AXL: variants seen among roughly 807,000 people sequenced by gnomAD.
AXL encodes tyrosine-protein kinase receptor UFO.
In AXL, 52 loss-of-function variants were observed where a neutral mutation model predicts 104.5. That is an observed-to-expected ratio of 0.50 (90% CI 0.40 to 0.63). AXL has a LOEUF of 0.63. Among genes scored for constraint, AXL ranks in the 20% least tolerant of loss-of-function variants. AXL has a pLI of 0.00. For synonymous variants in AXL, 455 were observed against 473.7 expected (o/e 0.96, Z 0.51); for missense variants, 1,024 against 1,188.5 (o/e 0.86, Z 2.04).
chr19:41,242,690 C>A (rs545632846), intron 10 of AXL, among the ~76,000 whole-genome samples, 193 bp from the exon 11 acceptor site: 2 of 152,288 alleles, frequency 1.3e-5, no homozygotes, highest in Non-Finnish European at 2.9e-5. Flanking sequence ...TTAACCTGCA[C>A]TTGTATCACA....
intron 6 of AXL, 92 bp from the exon 7 acceptor site, chr19:41,237,852 G>A: frequency 2.4e-6 from 3 of 1,229,552 alleles, no homozygotes; most frequent in Admixed American, 1.9e-5. Flanking sequence ...GAAAAGTTGT[G>A]TAGTCACACC....
intron 4 of AXL, among the ~76,000 whole-genome samples, chr19:41,226,416 C>A (rs935898298): frequency 1.5e-4 from 23 of 152,084 alleles, no homozygotes; most frequent in Non-Finnish European, 2.5e-4. Flanking sequence ...GGGCTGCGGG[C>A]GCGGGGCCTT....
intron 15 of AXL, 21 bp downstream of exon 15, chr19:41,252,464 A>AG (rs1282221873): frequency 3.7e-6 from 6 of 1,611,614 alleles, no homozygotes; most frequent in Non-Finnish European, 5.1e-6. Context: ...GGCAGATTCA[A>AG]GGGGTCTACA....
At chr19:41,251,610 C>T (rs1202636776) in intron 14 of AXL, among the ~76,000 whole-genome samples, 1 of 151,524 alleles carries the variant, frequency 6.6e-6, no homozygotes, top group Non-Finnish European at 1.5e-5. Context: ...GCCTGTGGTC[C>T]CAGCTACTCA....
intron 4 of AXL, among the ~76,000 whole-genome samples, chr19:41,230,233 A>AAT (rs2033954683): frequency 1.3e-5 from 2 of 148,668 alleles, no homozygotes; most frequent in Non-Finnish European, 3.0e-5. Flanking sequence ...GGGGTGTAAG[A>AAT]ATGTGTGTGT....
chr19:41,221,808 C>CA, intron 3 of AXL, 72 bp from the exon 4 acceptor site: 1 of 1,519,860 alleles, frequency 6.6e-7, no homozygotes, highest in Non-Finnish European at 8.9e-7. Context: ...AAGCCTACAG[C>CA]ATCCTAGTGG....
rs1292790836 is a variant in AXL at position 41,252,774 on chromosome 19, G to C, written c.1805-72G>C. 5.0e-6 allele frequency: 8 copies of C among 1,601,540 alleles called. No homozygotes were observed. In the Admixed American group the frequency reaches 5.1e-5, roughly 10 times the overall value. ...GATGGGTAGTGAGAAGGAGAGGCTG[G>C]AGGCTGGCTGGTGGGGGGCTTGGCT... On this transcript the variant is annotated intron_variant, in intron 15 of 19. Transcript: ENST00000301178.
At chr19:41,250,375 A>G (rs1462992188) in intron 14 of AXL, among the ~76,000 whole-genome samples, 1 of 152,164 alleles carries the variant, frequency 6.6e-6, no homozygotes, top group African/African-American at 2.4e-5. Context: ...TGGGCTATGA[A>G]GTCATTACCC....
Position 41,238,173 on chromosome 19 carries a change from G to A in AXL, c.994+19G>A. ...GAGGGAGGTAAGAAGGGTTGGGGAGGGACACGTCACCACTGCCCCACCGGA... is the reference window on the plus strand; with the variant it reads ...GAGGGAGGTAAGAAGGGTTGGGGAGAGACACGTCACCACTGCCCCACCGGA... On this transcript the variant is annotated intron_variant, in intron 7 of 19. Transcript: ENST00000301178. The A allele has an allele frequency of 6.2e-7, 1 of 1,612,692 alleles. No individual in the cohort carries two copies. Among genetic ancestry groups the A allele is most frequent in the Non-Finnish European group, 8.5e-7 (1 of 1,179,092 alleles).
At chr19:41,228,804 A>C (rs910600806) in intron 4 of AXL, among the ~76,000 whole-genome samples, 5 of 152,194 alleles carry the variant, frequency 3.3e-5, no homozygotes, top group Non-Finnish European at 7.3e-5. Context: ...GACAATGGGC[A>C]AGGTACTTGG....
rs953229496 is a variant in AXL at position 41,219,690 on chromosome 19, A to G, written c.85+213A>G. 3.6e-5 allele frequency among the ~76,000 whole-genome samples: 5 copies of G among 137,354 alleles called. No individual in the cohort carries two copies. In the Admixed American group the frequency reaches 4.0e-4, roughly 11 times the overall value. The allele number at this position is 137,354 out of a possible 152,430, so 90.1% of individuals were successfully genotyped here. A position where few individuals can be genotyped will look rare whatever the true frequency, so the allele number is the denominator to read the frequency against. ...AAGACTGAGAGAGGAACTGAAGGGC[A>G]GGGGGGACAGAAGAGAGGACCCGGA... On this transcript the variant is annotated intron_variant, in intron 1 of 19. Coordinates refer to ENST00000301178, the MANE Select transcript of AXL (RefSeq NM_021913.5).
intron 17 of AXL, 115 bp from the exon 18 acceptor site, chr19:41,256,337 C>T (rs914074414): frequency 7.9e-7 from 1 of 1,267,252 alleles, no homozygotes; most frequent in East Asian, 2.4e-5. Context: ...GACAGATCCC[C>T]ACCCGCAGCC....
chr19:41,235,747 T>C (rs1205811381), intron 6 of AXL, among the ~76,000 whole-genome samples: 1 of 152,228 alleles, frequency 6.6e-6, no homozygotes, highest in East Asian at 1.9e-4. Flanking sequence ...TCCGTCTCTC[T>C]GGGCCTCAGT....
intron 9 of AXL, among the ~76,000 whole-genome samples, 165 bp downstream of exon 9, chr19:41,239,479 T>C (rs1042734775): frequency 6.6e-6 from 1 of 151,670 alleles, no homozygotes; most frequent in Admixed American, 6.6e-5. Context: ...CCTCACTCCC[T>C]TACCTGTGCC....
At chr19:41,256,379 C>T in intron 17 of AXL, 73 bp from the exon 18 acceptor site, 1 of 1,559,506 alleles carries the variant, frequency 6.4e-7, no homozygotes, top group Non-Finnish European at 8.8e-7. Flanking sequence ...GCAGATGTGT[C>T]TGAGAGCCAG....
Position 41,248,290 on chromosome 19 carries a change from G to GC in AXL, c.1538-223dup, listed in dbSNP as rs537504282. On this transcript the variant is annotated intron_variant, in intron 12 of 19. Coordinates refer to ENST00000301178, the MANE Select transcript of AXL (RefSeq NM_021913.5). ...CATCAGGGTGCCCACTGGAGCAAGAGCGTGGCCAGGCTTTACCCCTTGAGT... is the reference window on the plus strand; with the variant it reads ...CATCAGGGTGCCCACTGGAGCAAGAGCCGTGGCCAGGCTTTACCCCTTGAGT... 1.1e-3 allele frequency among the ~76,000 whole-genome samples: 169 copies of GC among 152,368 alleles called. 1 individual carries two copies. The highest frequency in any genetic ancestry group is 3.9e-3 in the African/African-American group (163 of 41,590).
intron 6 of AXL, among the ~76,000 whole-genome samples, chr19:41,237,244 G>T (rs1330498468): frequency 6.6e-6 from 1 of 152,052 alleles, no homozygotes; most frequent in African/African-American, 2.4e-5. Flanking sequence ...TTATTATGAT[G>T]ATCATTACTA....
chr19:41,244,965 C>G (rs1346658406), intron 12 of AXL, among the ~76,000 whole-genome samples: 2 of 149,400 alleles, frequency 1.3e-5, no homozygotes, highest in South Asian at 4.2e-4. Context: ...GAATCTTGCT[C>G]TGTCACCCAG....
At chr19:41,227,811 G>GC (rs2033910020) in intron 4 of AXL, among the ~76,000 whole-genome samples, 1 of 152,020 alleles carries the variant, frequency 6.6e-6, no homozygotes, top group African/African-American at 2.4e-5. Flanking sequence ...AGATAAATAA[G>GC]AGTTTCTTGA....
Sources: allele counts gnomAD v4.1 joint callset (sites outside exome capture counted in the v4.1 genomes callset), GRCh38; gene constraint gnomAD v4.1.1; transcripts MANE v1.5; gene names NCBI Gene and HGNC (gene_info 2026-07-23, HGNC 2026-07-21).